Variants in ASAP2 observed in about 807,000 individuals in gnomAD.
ASAP2 encodes ArfGAP with SH3 domain, ankyrin repeat and PH domain 2, also known as arf-GAP with SH3 domain, ANK repeat and PH domain-containing protein 2.
Under a neutral mutation model 131.4 loss-of-function variants are expected in ASAP2, and 45 were observed. The ratio of observed to expected loss-of-function variants is 0.34; its 90% confidence interval spans 0.27 to 0.44. ASAP2 has a LOEUF of 0.44. ASAP2 is among the 20% of genes least tolerant of loss of function. The pLI is 1.00. For missense variants in ASAP2, 1,011 were observed against 1,297.0 expected (o/e 0.78, Z 3.39); for synonymous variants, 510 against 503.0 (o/e 1.01, Z -0.19).
At chr2:9,378,875 T>C in intron 18 of ASAP2, 69 bp from the exon 19 acceptor site, 1 of 1,167,108 alleles carries the variant, frequency 8.6e-7, no homozygotes, top group Non-Finnish European at 1.1e-6. Context: ...CCAGGCTCCC[T>C]GCCGGGCAGT....
rs767701321 is a variant in ASAP2, at chr2:9,327,919, C to A, written c.686+8C>A. ...CTTTCATGCCCAATGCAAGTAAGTT[C>A]TTCTCTGTTATGTTATCTTAAATGT... On this transcript the variant is annotated splice_region_variant and intron_variant, in intron 7 of 27. Coordinates refer to ENST00000281419, the MANE Select transcript of ASAP2 (RefSeq NM_003887.3). The A allele has an allele frequency of 3.4e-5, 53 of 1,560,066 alleles. No individual in the cohort carries two copies. Among genetic ancestry groups the A allele is most frequent in the Non-Finnish European group, 4.2e-5 (49 of 1,157,892 alleles).
At chr2:9,314,371 A>G (rs1469742856) in intron 3 of ASAP2, among the ~76,000 whole-genome samples, 2 of 152,220 alleles carry the variant, frequency 1.3e-5, no homozygotes, top group Non-Finnish European at 2.9e-5. Flanking sequence ...TGCATTTGCT[A>G]TATTATGTTT....
Position 9,232,268 on chromosome 2 carries a change from TCC to T in ASAP2, c.126+25039_126+25040del, listed in dbSNP as rs200656327. On this transcript the variant is annotated intron_variant, in intron 1 of 27. Coordinates refer to ENST00000281419, the MANE Select transcript of ASAP2 (RefSeq NM_003887.3). The surrounding 1 kb of genome is among the most constrained non-coding windows in gnomAD (Gnocchi z 4.1). The stretch of plus-strand genomic sequence containing the variant: ...ACACGCCTCACTGCCCTGCGCCCGA[TCC>T]TTTTACACAGGTGGTCCCTCTGTTT... Among the ~76,000 whole-genome samples, 3,307 of 152,218 alleles carry T rather than the reference TCC, an allele frequency of 0.022. 89 individuals are homozygous for T. The highest frequency in any genetic ancestry group is 0.085 in the Admixed American group (1,304 of 15,276).
intron 1 of ASAP2, among the ~76,000 whole-genome samples, chr2:9,248,100 AG>A (rs1255505801): frequency 6.6e-6 from 1 of 152,140 alleles, no homozygotes; most frequent in Non-Finnish European, 1.5e-5. Context: ...GGCTGATGGA[AG>A]GGGGGCGGCT....
chr2:9,322,164 C>T (rs1364567434), intron 5 of ASAP2, among the ~76,000 whole-genome samples: 1 of 152,192 alleles, frequency 6.6e-6, no homozygotes, highest in Non-Finnish European at 1.5e-5. Context: ...CAAAGGGTCT[C>T]CTGTGTGTTT....
At chr2:9,208,986 A>C (rs1313617668) in intron 1 of ASAP2, among the ~76,000 whole-genome samples, 1 of 143,748 alleles carries the variant, frequency 7.0e-6, no homozygotes, top group Non-Finnish European at 1.6e-5. Context: ...AAGAATTGCT[A>C]TTAAAATTGG....
chr2:9,316,561 G>A (rs1669685130), intron 3 of ASAP2, among the ~76,000 whole-genome samples: 1 of 152,136 alleles, frequency 6.6e-6, no homozygotes, highest in Non-Finnish European at 1.5e-5. Context: ...TGGCCCTTGG[G>A]TTGATTCAGG....
At position 9,405,438 on chromosome 2, in the gene ASAP2, G is replaced by A. The variant is rs184069492; in HGVS notation, c.*2111G>A. The A allele has an allele frequency of 6.5e-5, 10 of 152,742 alleles. No individual in the cohort carries two copies. In the East Asian group the frequency reaches 1.9e-3, roughly 29 times the overall value. 9.5% of individuals were successfully genotyped at this position (152,742 alleles called of 1,614,324 possible). On this transcript the variant is annotated 3_prime_UTR_variant, in exon 28 of 28. Transcript: ENST00000281419. ...ATGTACACAGACTAAGAGTAACTGTGTGATCTGTTAAGGGGTGGATAACAT... is the reference window on the plus strand; with the variant it reads ...ATGTACACAGACTAAGAGTAACTGTATGATCTGTTAAGGGGTGGATAACAT...
chr2:9,385,812 T>C (rs1482706138), intron 21 of ASAP2, among the ~76,000 whole-genome samples: 4 of 152,232 alleles, frequency 2.6e-5, no homozygotes, highest in Non-Finnish European at 5.9e-5. Flanking sequence ...GTTTGGGATA[T>C]TGAAGCCTCA....
Position 9,378,948 on chromosome 2 carries a change from A to G in ASAP2, c.1837A>G (p.Asn613Asp). Residue 613 changes from asparagine (N) to aspartate (D), a missense_variant, in exon 19 of 28, where the codon AAC (asparagine) becomes GAC (aspartate). Asn to Asp is a conservative substitution (Grantham distance 23, BLOSUM62 1). Transcript: ENST00000281419. ...IVDFLVQNSG[N>D]LDKQTGKGST... ...TCTGTTCCTGTTCTCGGGCAGTGGG[A>G]ACCTGGATAAACAGACAGGGAAAGG... 1.4e-6 allele frequency: 2 copies of G among 1,460,822 alleles called. No homozygotes were observed. The highest frequency in any genetic ancestry group is 1.8e-6 in the Non-Finnish European group (2 of 1,096,472). 90.5% of individuals were successfully genotyped at this position (1,460,822 alleles called of 1,614,324 possible).
At chr2:9,244,957 GGT>G (rs1664233996) in intron 1 of ASAP2, among the ~76,000 whole-genome samples, 1 of 152,122 alleles carries the variant, frequency 6.6e-6, no homozygotes, top group African/African-American at 2.4e-5. Context: ...GTGACACGAT[GGT>G]GTGTGAGCTC....
At position 9,393,639 on chromosome 2, in the gene ASAP2, T is replaced by C; in HGVS notation, c.2676T>C (p.Pro892=). 6.4e-7 allele frequency: 1 copy of C among 1,572,488 alleles called. No homozygotes were observed. Among genetic ancestry groups the C allele is most frequent in the East Asian group, 2.3e-5 (1 of 43,086 alleles). ...QPPSRLPQKK[P]APGADKSTPL... is the part of the protein sequence containing the mutation. ...CCAGCCGCCTCCCGCAGAAGAAGCCTGCGCCGGGGTAAGCCACCCCCAGCC... is the reference window on the plus strand; with the variant it reads ...CCAGCCGCCTCCCGCAGAAGAAGCCCGCGCCGGGGTAAGCCACCCCCAGCC... The change falls in exon 24 of 28, where the codon CCT becomes CCC. Residue 892 remains proline (P), a synonymous_variant. Coordinates refer to ENST00000281419, the MANE Select transcript of ASAP2 (RefSeq NM_003887.3).
chr2:9,301,236 G>A (rs565795908), intron 3 of ASAP2, among the ~76,000 whole-genome samples: 1 of 152,240 alleles, frequency 6.6e-6, no homozygotes, highest in South Asian at 2.1e-4. Flanking sequence ...CCACCTACCT[G>A]CTTGGAGGCG....
intron 1 of ASAP2, among the ~76,000 whole-genome samples, chr2:9,221,876 C>G (rs544993196): frequency 7.2e-4 from 110 of 152,320 alleles, no homozygotes; most frequent in African/African-American, 2.5e-3. Flanking sequence ...TCACTGCAAG[C>G]TCTGCCTCCC....
chr2:9,394,812 C>T (rs907458409), intron 24 of ASAP2, among the ~76,000 whole-genome samples: 14 of 152,196 alleles, frequency 9.2e-5, no homozygotes, highest in Non-Finnish European at 1.6e-4. Flanking sequence ...GGGTCTTCGT[C>T]TTTTCTCCAC....
rs905428125 is a variant in ASAP2, at chr2:9,405,660, T to A, written c.*2333T>A. ...AACTAGTCATTTGACTGGAAAAAAA[T>A]AAAATACTTTTAAATGGACATGGTT... On this transcript the variant is annotated 3_prime_UTR_variant, in exon 28 of 28. Coordinates refer to ENST00000281419, the MANE Select transcript of ASAP2 (RefSeq NM_003887.3). The A allele has an allele frequency of 6.6e-6, 1 of 152,598 alleles. No individual in the cohort carries two copies. Among genetic ancestry groups the A allele is most frequent in the Non-Finnish European group, 1.5e-5 (1 of 68,022 alleles). The allele number at this position is 152,598 out of a possible 1,614,324, so 9.5% of individuals were successfully genotyped here.
At chr2:9,367,317 G>C (rs1673557305) in intron 15 of ASAP2, among the ~76,000 whole-genome samples, 1 of 152,022 alleles carries the variant, frequency 6.6e-6, no homozygotes, top group Non-Finnish European at 1.5e-5. Flanking sequence ...ACAGGTGTGA[G>C]CCACCATGCC....
chr2:9,368,686 A>G (rs1165034284), intron 16 of ASAP2, among the ~76,000 whole-genome samples, 167 bp downstream of exon 16: 2 of 152,134 alleles, frequency 1.3e-5, no homozygotes, highest in African/African-American at 4.8e-5. Flanking sequence ...TTGGGTGACC[A>G]AATAGAAATT....
chr2:9,308,506 T>G (rs140456165), intron 3 of ASAP2, among the ~76,000 whole-genome samples: 1 of 152,264 alleles, frequency 6.6e-6, no homozygotes, highest in East Asian at 1.9e-4. Flanking sequence ...TTTTCCTGTT[T>G]AGAGTTTCCT....
Sources: gnomAD v4.1 joint callset for allele counts (sites outside exome capture counted in the v4.1 genomes callset) on GRCh38, gnomAD v4.1.1 for gene constraint, Gnocchi (gnomAD v3.1) non-coding constraint, MANE v1.5 for transcripts, NCBI Gene and HGNC (gene_info 2026-07-23, HGNC 2026-07-21) for gene names.